ZNF555: variants seen among roughly 807,000 people sequenced by gnomAD.
The protein encoded by ZNF555 is zinc finger protein 555.
Under a neutral mutation model 14.0 loss-of-function variants are expected in ZNF555, and 10 were observed. That is an observed-to-expected ratio of 0.72 (90% confidence interval 0.44 to 1.21). The LOEUF (loss-of-function observed/expected upper bound fraction) is 1.21, where lower values mean the gene tolerates loss of function less well. ZNF555 is among the 50% of genes most tolerant of loss of function. ZNF555 has a pLI of 0.00. For missense variants in ZNF555, 747 were observed against 762.0 expected (o/e 0.98, Z 0.23); for synonymous variants, 277 against 262.4 (o/e 1.06, Z -0.54).
rs146189039 is a variant in ZNF555, at chr19:2,859,010, G to C, written c.*5058G>C. The C allele has an allele frequency of 6.1e-3, 925 of 152,468 alleles. 7 individuals are homozygous for C. The highest frequency in any genetic ancestry group is 0.011 in the Admixed American group (162 of 15,310). 9.4% of individuals were successfully genotyped at this position (152,468 alleles called of 1,614,324 possible). ...GACGCGTCTTACTAACGCCTCACCAGAGCGCATGCGCCCTCCTCAGGAGCA... is the reference window on the plus strand; with the variant it reads ...GACGCGTCTTACTAACGCCTCACCACAGCGCATGCGCCCTCCTCAGGAGCA... On this transcript the variant is annotated 3_prime_UTR_variant, in exon 4 of 4. Coordinates refer to ENST00000334241, the MANE Select transcript of ZNF555 (RefSeq NM_152791.5).
Position 2,860,020 on chromosome 19 carries a change from CAAAA to C in ZNF555, c.*6073_*6076del, listed in dbSNP as rs11444865. 1 of 151,666 alleles carries C rather than the reference CAAAA, an allele frequency of 6.6e-6. No homozygotes were observed. Among genetic ancestry groups the C allele is most frequent in the Non-Finnish European group, 1.5e-5 (1 of 67,954 alleles). The allele number at this position is 151,666 out of a possible 1,614,324, so 9.4% of individuals were successfully genotyped here. A position where few individuals can be genotyped will look rare whatever the true frequency, so the allele number is the denominator to read the frequency against. Reference sequence around the variant, plus strand: ...AGGGGCCCAAAACAAAGCAAACAAACAAAAAAAAGGAATGCAAGTCAAGTACACT... The same window carrying C: ...AGGGGCCCAAAACAAAGCAAACAAACAAAAGGAATGCAAGTCAAGTACACT... On this transcript the variant is annotated 3_prime_UTR_variant, in exon 4 of 4. Coordinates refer to ENST00000334241, the MANE Select transcript of ZNF555 (RefSeq NM_152791.5).
At chr19:2,842,898 C>T (rs534343476) in intron 1 of ZNF555, among the ~76,000 whole-genome samples, 51 of 152,274 alleles carry the variant, frequency 3.3e-4, no homozygotes, top group African/African-American at 1.2e-3. Flanking sequence ...CAAAAATTAG[C>T]TGGGCGTGGT....
intron 1 of ZNF555, 148 bp downstream of exon 1, chr19:2,841,723 C>T (rs1483031254): frequency 2.1e-6 from 2 of 951,512 alleles, no homozygotes; most frequent in East Asian, 3.6e-5. Context: ...GGGGTCCCGC[C>T]CGGCCCCGCC....
At position 2,854,667 on chromosome 19, in the gene ZNF555, ACATCAACCTT is replaced by A. The variant is rs2087668817; in HGVS notation, c.*718_*727del. 6.6e-6 allele frequency: 1 copy of A among 152,252 alleles called. No homozygotes were observed. The highest frequency in any genetic ancestry group is 1.5e-5 in the Non-Finnish European group (1 of 68,086). 9.4% of individuals were successfully genotyped at this position (152,252 alleles called of 1,614,324 possible). A position where few individuals can be genotyped will look rare whatever the true frequency, so the allele number is the denominator to read the frequency against. ...GGACAGATGCATAGGGGCTTTGTGA[ACATCAACCTT>A]CAGCTTATTTTCCAGATTCTTATTC... On this transcript the variant is annotated 3_prime_UTR_variant, in exon 4 of 4. Coordinates refer to ENST00000334241, the MANE Select transcript of ZNF555 (RefSeq NM_152791.5).
At chr19:2,843,649 G>C (rs1302382842) in intron 1 of ZNF555, among the ~76,000 whole-genome samples, 2 of 152,168 alleles carry the variant, frequency 1.3e-5, no homozygotes, top group Non-Finnish European at 2.9e-5. Flanking sequence ...GGATGATTCT[G>C]TTCTGCTTCC....
chr19:2,843,058 C>A (rs943722400), intron 1 of ZNF555, among the ~76,000 whole-genome samples: 1 of 151,026 alleles, frequency 6.6e-6, no homozygotes, highest in Non-Finnish European at 1.5e-5. Flanking sequence ...AAAAAAAAAA[C>A]TTCCAACGGG....
Position 2,853,983 on chromosome 19 carries a change from A to C in ZNF555, c.*31A>C. 1.2e-6 allele frequency: 2 copies of C among 1,610,744 alleles called. No individual in the cohort carries two copies. The highest frequency in any genetic ancestry group is 1.7e-6 in the Non-Finnish European group (2 of 1,179,354). ...TTATCCTGAAAGTGGACACTCAAGGAGTGTGTCTGTAGTTCATTTGCAAAT... is the reference window on the plus strand; with the variant it reads ...TTATCCTGAAAGTGGACACTCAAGGCGTGTGTCTGTAGTTCATTTGCAAAT... On this transcript the variant is annotated 3_prime_UTR_variant, in exon 4 of 4. Transcript: ENST00000334241.
At chr19:2,847,537 C>T (rs2087592015) in intron 1 of ZNF555, among the ~76,000 whole-genome samples, 1 of 151,992 alleles carries the variant, frequency 6.6e-6, no homozygotes, top group South Asian at 2.1e-4. Context: ...GTATTTACCA[C>T]AGTTAAAAAA....
At position 2,853,434 on chromosome 19, in the gene ZNF555, T is replaced by A; in HGVS notation, c.1369T>A (p.Cys457Ser). ...AGAGAAACCCTATGAATGTAAGCAGTGTGGGAAAGCCTTCAGCTTGTCTGC... is the reference window on the plus strand; with the variant it reads ...AGAGAAACCCTATGAATGTAAGCAGAGTGGGAAAGCCTTCAGCTTGTCTGC... ...TREKPYECKQ[C>S]GKAFSLSACF... The change falls in exon 4 of 4, where the codon TGT (cysteine) becomes AGT (serine). Residue 457 changes from cysteine to serine, a missense_variant. Coordinates refer to ENST00000334241, the MANE Select transcript of ZNF555 (RefSeq NM_152791.5). The A allele has an allele frequency of 1.9e-6, 3 of 1,614,170 alleles. No individual in the cohort carries two copies. In the East Asian group the frequency reaches 6.7e-5, roughly 36 times the overall value.
In ZNF555 at chr19:2,852,908, G is replaced by A. The variant is rs1159579602; in HGVS notation, c.843G>A (p.Glu281=). The change falls in exon 4 of 4, where the codon GAG becomes GAA. Residue 281 remains glutamate (E), a synonymous_variant. Coordinates refer to ENST00000334241, the MANE Select transcript of ZNF555 (RefSeq NM_152791.5). ...FRRHTITHTG[E]KPYKCKECAE... is the part of the protein sequence containing the mutation. ...GACACACAATAACACACACTGGCGA[G>A]AAGCCATATAAATGTAAGGAATGTG... is the stretch of plus-strand genomic sequence containing the variant. 5.6e-6 allele frequency: 9 copies of A among 1,614,094 alleles called. No individual in the cohort carries two copies. Among genetic ancestry groups the A allele is most frequent in the Non-Finnish European group, 7.6e-6 (9 of 1,180,048 alleles).
intron 1 of ZNF555, among the ~76,000 whole-genome samples, chr19:2,844,349 C>T (rs1422191265): frequency 5.3e-5 from 8 of 152,144 alleles, no homozygotes; most frequent in South Asian, 2.1e-4. Flanking sequence ...TTGATCTGCC[C>T]GCCTCAGCCT....
Position 2,853,597 on chromosome 19 carries a change from A to G in ZNF555, c.1532A>G (p.Lys511Arg). 1 of 1,610,000 alleles carries G rather than the reference A, an allele frequency of 6.2e-7. No homozygotes were observed. Among genetic ancestry groups the G allele is most frequent in the South Asian group, 1.1e-5 (1 of 90,602 alleles). The change falls in exon 4 of 4, where the codon AAG becomes AGG. Residue 511 changes from lysine to arginine, a missense_variant. By Grantham distance (26) the Lys-to-Arg change is conservative. Coordinates refer to ENST00000334241, the MANE Select transcript of ZNF555 (RefSeq NM_152791.5). ...ACCGCAGAGAAACTCTATAAATGCA[A>G]GCAGTGTGGGAAAGCTTTCAGTTGG... Reference protein sequence around the residue: ...RHTAEKLYKCKQCGKAFSWPE... With the variant: ...RHTAEKLYKCRQCGKAFSWPE...
At chr19:2,850,755 G>A in intron 2 of ZNF555, 42 bp downstream of exon 2, 7 of 1,608,536 alleles carry the variant, frequency 4.4e-6, no homozygotes, top group Non-Finnish European at 5.9e-6. Flanking sequence ...GTTATTGAGA[G>A]AACAAGTATT....
At chr19:2,850,488 G>A in intron 1 of ZNF555, 99 bp from the exon 2 acceptor site, 1 of 1,508,514 alleles carries the variant, frequency 6.6e-7, no homozygotes, top group Non-Finnish European at 9.0e-7. Flanking sequence ...AGATGTCAGG[G>A]AATCACAGAA....
Position 2,854,629 on chromosome 19 carries a change from A to G in ZNF555, c.*677A>G, listed in dbSNP as rs1453831673. On this transcript the variant is annotated 3_prime_UTR_variant, in exon 4 of 4. Coordinates refer to ENST00000334241, the MANE Select transcript of ZNF555 (RefSeq NM_152791.5). Reference sequence around the variant, plus strand: ...GTCATCGCTGAGCTTTTGGGGTCACATTAAATGGAGATGGACAGATGCATA... The same window carrying G: ...GTCATCGCTGAGCTTTTGGGGTCACGTTAAATGGAGATGGACAGATGCATA... 6.5e-6 allele frequency: 1 copy of G among 153,084 alleles called. No homozygotes were observed. The highest frequency in any genetic ancestry group is 1.5e-5 in the Non-Finnish European group (1 of 68,662). The allele number at this position is 153,084 out of a possible 1,614,324, so 9.5% of individuals were successfully genotyped here.
chr19:2,846,518 A>G (rs989240257), intron 1 of ZNF555, among the ~76,000 whole-genome samples: 3 of 152,238 alleles, frequency 2.0e-5, no homozygotes, highest in Non-Finnish European at 4.4e-5. Flanking sequence ...TTCCTGAATT[A>G]GAGTCCTGTT....
intron 1 of ZNF555, 58 bp from the exon 2 acceptor site, chr19:2,850,529 A>G: frequency 1.3e-6 from 2 of 1,593,258 alleles, no homozygotes; most frequent in Non-Finnish European, 1.7e-6. Context: ...AATTGAGTAC[A>G]ATGCTCCTGG....
At chr19:2,843,181 T>A (rs1486293623) in intron 1 of ZNF555, among the ~76,000 whole-genome samples, 1 of 152,238 alleles carries the variant, frequency 6.6e-6, no homozygotes, top group Admixed American at 6.5e-5. Context: ...TTTATTACTA[T>A]TATTTTTTTG....
intron 1 of ZNF555, among the ~76,000 whole-genome samples, chr19:2,842,764 C>T (rs1200146989): frequency 1.3e-5 from 2 of 152,134 alleles, no homozygotes; most frequent in Non-Finnish European, 2.9e-5. Flanking sequence ...ATTTCCAGGC[C>T]GGGCGCGGTG....
Sources: gnomAD v4.1 joint callset for allele counts (sites outside exome capture counted in the v4.1 genomes callset) on GRCh38, gnomAD v4.1.1 for gene constraint, MANE v1.5 for transcripts, NCBI Gene and HGNC (gene_info 2026-07-23, HGNC 2026-07-21) for gene names.